The following RNLS variants were observed in gnomAD, a reference collection of about 807,000 sequenced individuals.
RNLS encodes the protein renalase, FAD dependent amine oxidase.
RNLS carries 39 observed loss-of-function variants against 39.8 expected under a neutral mutation model. The observed-to-expected ratio is 0.98, with a 90% CI of 0.76 to 1.28. RNLS has a LOEUF of 1.28. Among genes scored for constraint, RNLS ranks in the 50% most tolerant of loss-of-function variants. The probability of loss-of-function intolerance (pLI) is 0.00; values close to 1 mark genes in which losing one functional copy is unlikely to be tolerated. For synonymous variants in RNLS, 147 were observed against 150.7 expected, an observed-to-expected ratio of 0.98 and a Z score of 0.18; for missense variants, 410 against 413.3, an observed-to-expected ratio of 0.99 and a Z score of 0.07.
chr10:88,247,410 G>C, the RNLS span, among the ~76,000 whole-genome samples: 1 of 152,180 alleles, frequency 6.6e-6, no homozygotes, highest in South Asian at 2.1e-4. Flanking sequence ...CTTAAGGTCA[G>C]AAAAAATAGA....
the RNLS span, among the ~76,000 whole-genome samples, chr10:88,257,255 G>A: frequency 6.6e-6 from 1 of 152,320 alleles, no homozygotes; most frequent in East Asian, 1.9e-4. Context: ...TTGATGTGAT[G>A]TGAGTGTAAG....
the RNLS span, among the ~76,000 whole-genome samples, chr10:88,207,729 G>A: frequency 6.6e-6 from 1 of 152,162 alleles, no homozygotes; most frequent in South Asian, 2.1e-4. Flanking sequence ...AGAACTCTCT[G>A]TTAGCAGGAC....
intron 4 of RNLS, among the ~76,000 whole-genome samples, chr10:88,394,130 G>A (rs1330642701): frequency 6.6e-6 from 1 of 152,148 alleles, no homozygotes; most frequent in Non-Finnish European, 1.5e-5. Context: ...ACATAGGCAT[G>A]GGCAAGGACT....
At chr10:88,296,257 T>A (rs929539957) in intron 6 of RNLS, among the ~76,000 whole-genome samples, 3 of 152,180 alleles carry the variant, frequency 2.0e-5, no homozygotes, top group Non-Finnish European at 4.4e-5. Flanking sequence ...TGCAAAGGAC[T>A]GAAAGTGCTT....
At position 88,400,381 on chromosome 10, in the gene RNLS, A is replaced by T. The variant is rs11202739; in HGVS notation, c.527-37656T>A. ...ATTCTCTGGTCTAGTCACATTGAAC[A>T]TAATGCAATCTTTTGTCATACATCC... On this transcript the variant is annotated intron_variant, in intron 4 of 6. Transcript: ENST00000331772. Among the ~76,000 whole-genome samples the T allele has an allele frequency of 1.8e-4, 28 of 152,098 alleles. No homozygotes were observed. The East Asian group carries it at 3.1e-3, about 17-fold the overall frequency.
chr10:88,211,589 G>C, the RNLS span, among the ~76,000 whole-genome samples: 14 of 152,302 alleles, frequency 9.2e-5, no homozygotes, highest in Admixed American at 2.0e-4. Flanking sequence ...GTGAAAGACA[G>C]GGGAAAAGAC....
chr10:88,524,518 C>T (rs1846961102), intron 4 of RNLS, among the ~76,000 whole-genome samples: 2 of 152,054 alleles, frequency 1.3e-5, no homozygotes. Flanking sequence ...AATAACTTAA[C>T]TCTGTTATCT....
intron 4 of RNLS, among the ~76,000 whole-genome samples, chr10:88,455,970 G>A (rs141425528): frequency 3.4e-4 from 52 of 152,372 alleles, no homozygotes; most frequent in African/African-American, 1.1e-3. Flanking sequence ...GCATCGAACA[G>A]TTTTAACTGA....
intron 6 of RNLS, among the ~76,000 whole-genome samples, chr10:88,286,980 G>A (rs934874981): frequency 1.3e-5 from 2 of 151,542 alleles, no homozygotes; most frequent in Admixed American, 6.6e-5. Flanking sequence ...TTAGAGATGG[G>A]GTCTCACTAT....
chr10:88,512,225 T>C (rs1003795100), intron 4 of RNLS, among the ~76,000 whole-genome samples: 1 of 152,166 alleles, frequency 6.6e-6, no homozygotes, highest in African/African-American at 2.4e-5. Context: ...AAAAGGAAGA[T>C]GCGATTTAGA....
chr10:88,394,204 A>T (rs1852402474), intron 4 of RNLS, among the ~76,000 whole-genome samples: 1 of 152,214 alleles, frequency 6.6e-6, no homozygotes, highest in Non-Finnish European at 1.5e-5. Flanking sequence ...GGATCTAATT[A>T]AACTAAAGAA....
chr10:88,372,774 T>C (rs1398501899), intron 4 of RNLS, among the ~76,000 whole-genome samples: 1 of 152,170 alleles, frequency 6.6e-6, no homozygotes, highest in African/African-American at 2.4e-5. Flanking sequence ...TTATTATCAG[T>C]TTTATCCTTG....
At chr10:88,501,549 T>A (rs1845484228) in intron 4 of RNLS, among the ~76,000 whole-genome samples, 2 of 152,076 alleles carry the variant, frequency 1.3e-5, no homozygotes, top group South Asian at 4.1e-4. Context: ...ATTGGAAAAA[T>A]TAAGATAATG....
the RNLS span, among the ~76,000 whole-genome samples, chr10:88,232,291 G>A: frequency 6.6e-6 from 1 of 152,150 alleles, no homozygotes; most frequent in South Asian, 2.1e-4. Context: ...AAGGTCTGAG[G>A]GAAGGGGACC....
intron 4 of RNLS, among the ~76,000 whole-genome samples, chr10:88,501,918 GGAAACAGCCC>G (rs1394900131): frequency 1.3e-5 from 2 of 152,008 alleles, no homozygotes; most frequent in African/African-American, 4.8e-5. Context: ...ATAATAATAT[GGAAACAGCCC>G]GATTCTGTTT....
intron 4 of RNLS, among the ~76,000 whole-genome samples, chr10:88,378,384 A>AT (rs778789643): frequency 1.3e-5 from 2 of 152,162 alleles, no homozygotes; most frequent in Non-Finnish European, 2.9e-5. Flanking sequence ...TGAAACTAGA[A>AT]TCCCTTCTTC....
At chr10:88,411,729 T>C (rs1853667860) in intron 4 of RNLS, among the ~76,000 whole-genome samples, 1 of 152,136 alleles carries the variant, frequency 6.6e-6, no homozygotes, top group Non-Finnish European at 1.5e-5. Flanking sequence ...ACATAATGTA[T>C]GCATTAGATA....
intron 4 of RNLS, among the ~76,000 whole-genome samples, chr10:88,527,872 GTT>G (rs1255591809): frequency 1.3e-5 from 2 of 151,340 alleles, no homozygotes; most frequent in African/African-American, 2.4e-5. Flanking sequence ...TGGGAAAAAA[GTT>G]TGTTATCCTC....
chr10:88,454,674 G>A (rs1842533584), intron 4 of RNLS, among the ~76,000 whole-genome samples: 1 of 152,154 alleles, frequency 6.6e-6, no homozygotes, highest in Non-Finnish European at 1.5e-5. Flanking sequence ...AGTCACTCAG[G>A]GGAAACATAT....
Sources: allele counts gnomAD v4.1 joint callset (sites outside exome capture counted in the v4.1 genomes callset), GRCh38; gene constraint gnomAD v4.1.1; transcripts MANE v1.5; gene names NCBI Gene and HGNC (gene_info 2026-07-23, HGNC 2026-07-21).